The following GNB2 variants were observed in gnomAD, a reference collection of about 807,000 sequenced individuals.
GNB2 encodes the protein G protein subunit beta 2, also known as guanine nucleotide-binding protein G(I)/G(S)/G(T) subunit beta-2.
In GNB2, 7 loss-of-function variants were observed where a neutral mutation model predicts 40.7. The observed-to-expected ratio is 0.17, with a 90% CI of 0.10 to 0.32. The LOEUF (loss-of-function observed/expected upper bound fraction) is 0.32. Among genes scored for constraint, GNB2 ranks in the 10% least tolerant of loss-of-function variants. The pLI, the probability that GNB2 is intolerant of heterozygous loss-of-function variation, is 1.00. For synonymous variants in GNB2, 254 were observed against 191.2 expected (o/e 1.33, Z -2.71); for missense variants, 286 against 473.0 (o/e 0.60, Z 3.67).
At chr7:100,676,141 C>T (rs1193831665) in intron 1 of GNB2, 36 bp from the exon 2 acceptor site, 7 of 573,842 alleles carry the variant, frequency 1.2e-5, no homozygotes, top group Non-Finnish European at 1.2e-5. Flanking sequence ...ACTTCCCCGG[C>T]GGCCTCGGGC....
rs770626958 is a variant in GNB2, at chr7:100,678,281, C to T, written c.681C>T (p.Ser227=). The change falls in exon 8 of 10, where the codon TCC becomes TCT. Residue 227 remains serine, a synonymous_variant. Coordinates refer to ENST00000303210, the MANE Select transcript of GNB2 (RefSeq NM_005273.4). ...GACAGACCTTCATCGGCCATGAATC[C>T]GACATCAATGCAGTGGCTGTGAGTT... ...MCRQTFIGHE[S]DINAVAFFPN... is the part of the protein sequence containing the mutation. 14 of 1,613,596 alleles carry T rather than the reference C, an allele frequency of 8.7e-6. No homozygotes were observed. Among genetic ancestry groups the T allele is most frequent in the Middle Eastern group, 1.6e-4 (1 of 6,082 alleles).
chr7:100,675,933 G>T (rs1052407653), intron 1 of GNB2: 43 of 330,098 alleles, frequency 1.3e-4, no homozygotes, highest in African/African-American at 9.4e-4. Flanking sequence ...CCGAGGGAGG[G>T]GTTTCCCCTG....
chr7:100,676,890 A>C (rs1804361970), intron 4 of GNB2, 91 bp downstream of exon 4: 5 of 727,292 alleles, frequency 6.9e-6, no homozygotes, highest in Non-Finnish European at 1.2e-5. Context: ...GCAGGCCACC[A>C]AAATACCCAG....
At chr7:100,674,009 T>G (rs982169010) in intron 1 of GNB2, 86 bp downstream of exon 1, 5 of 154,468 alleles carry the variant, frequency 3.2e-5, no homozygotes, top group African/African-American at 1.2e-4. Context: ...CTCCCGGGGC[T>G]GGCCTCCTGG....
rs1804344342 is a variant in GNB2 at position 100,676,275 on chromosome 7, C to G, written c.10C>G (p.Leu4Val). 1.2e-6 allele frequency: 2 copies of G among 1,606,222 alleles called. No individual in the cohort carries two copies. Among genetic ancestry groups the G allele is most frequent in the South Asian group, 1.1e-5 (1 of 90,286 alleles). Residue 4 changes from leucine (L) to valine (V), a missense_variant, in exon 2 of 10, where the codon CTG (leucine) becomes GTG (valine). Coordinates refer to ENST00000303210, the MANE Select transcript of GNB2 (RefSeq NM_005273.4). MSE[L>V]EQLRQEAEQL... is the part of the protein sequence containing the mutation. ...CCACGGGCCCGGCGCCATGAGTGAG[C>G]TGGAGCAACTGAGACAGGAGGCCGA...
chr7:100,678,031 G>A lies in GNB2; in HGVS notation c.498-67G>A, dbSNP rs140950077. The A allele has an allele frequency of 1.3e-3, 1,698 of 1,340,428 alleles. 15 individuals carry two copies. In the African/African-American group the frequency reaches 0.02, roughly 16 times the overall value. The allele number at this position is 1,340,428 out of a possible 1,614,324, so 83.0% of individuals were successfully genotyped here. ...CAGGGTTGGGCTCACGTGGTGGGGC[G>A]GGGAGAACAGGGACTCTGTTCTTCG... On this transcript the variant is annotated intron_variant, in intron 7 of 9. Coordinates refer to ENST00000303210, the MANE Select transcript of GNB2 (RefSeq NM_005273.4).
chr7:100,675,035 G>A (rs1246538280), intron 1 of GNB2, among the ~76,000 whole-genome samples: 2 of 152,132 alleles, frequency 1.3e-5, no homozygotes, highest in African/African-American at 2.4e-5. Context: ...TGGGAGCTGG[G>A]TGGGGGACGC....
chr7:100,676,241 A>G lies in GNB2; in HGVS notation c.-25A>G. ...CGTCCCGCGGCCCCCAGCCGCCCCC[A>G]ACCCTGCCCCACGGGCCCGGCGCCA... On this transcript the variant is annotated 5_prime_UTR_variant, in exon 2 of 10. Transcript: ENST00000303210. 1.3e-6 allele frequency: 2 copies of G among 1,514,992 alleles called. No individual in the cohort carries two copies. The highest frequency in any genetic ancestry group is 1.8e-6 in the Non-Finnish European group (2 of 1,111,700). 93.8% of individuals were successfully genotyped at this position (1,514,992 alleles called of 1,614,324 possible).
At chr7:100,674,775 C>T (rs1306104769) in intron 1 of GNB2, among the ~76,000 whole-genome samples, 1 of 152,212 alleles carries the variant, frequency 6.6e-6, no homozygotes, top group Non-Finnish European at 1.5e-5. Context: ...GAACGTCGCC[C>T]CCGCCCCCAG....
At chr7:100,675,359 C>T (rs1261919088) in intron 1 of GNB2, 1 of 151,334 alleles carries the variant, frequency 6.6e-6, no homozygotes, top group Non-Finnish European at 1.5e-5. Flanking sequence ...GGAGCAGCGG[C>T]TCGGGGCTGC....
At chr7:100,673,970 TC>T in intron 1 of GNB2, 47 bp downstream of exon 1, 1 of 157,142 alleles carries the variant, frequency 6.4e-6, no homozygotes, top group Non-Finnish European at 1.4e-5. Context: ...AGCCCCAATT[TC>T]CCCCAGGGGA....
chr7:100,677,044 G>C (rs1804365558), intron 4 of GNB2: 2 of 593,338 alleles, frequency 3.4e-6, no homozygotes, highest in African/African-American at 3.7e-5. Context: ...GGGGAGGCCA[G>C]GGCAGGATCA....
rs1367054059 is a variant in GNB2, at chr7:100,673,938, A to AT, written c.-90+15_-90+16insT. On this transcript the variant is annotated intron_variant, in intron 1 of 9. Coordinates refer to ENST00000303210, the MANE Select transcript of GNB2 (RefSeq NM_005273.4). ...CACCGCCACAGGTACCTTCGCTGGCAAAAGGAGTCCTCTCGCCCCCCAGCC... is the reference window on the plus strand; with the variant it reads ...CACCGCCACAGGTACCTTCGCTGGCATAAAGGAGTCCTCTCGCCCCCCAGCC... 42 of 165,140 alleles carry AT rather than the reference A, an allele frequency of 2.5e-4. No homozygotes were observed. In the East Asian group the frequency reaches 2.9e-3, roughly 11 times the overall value. 10.2% of individuals were successfully genotyped at this position (165,140 alleles called of 1,614,324 possible).
chr7:100,678,316 G>C lies in GNB2; in HGVS notation c.699+17G>C, dbSNP rs1156268872. ...GCAGTGGCTGTGAGTTTTGGGGCGAGCTAGGCCAGGCCCTCCCCACCAGGC... is the reference window on the plus strand; with the variant it reads ...GCAGTGGCTGTGAGTTTTGGGGCGACCTAGGCCAGGCCCTCCCCACCAGGC... On this transcript the variant is annotated intron_variant, in intron 8 of 9. Transcript: ENST00000303210. 3 of 1,610,110 alleles carry C rather than the reference G, an allele frequency of 1.9e-6. No homozygotes were observed. In the Admixed American group the frequency reaches 5.0e-5, roughly 27 times the overall value.
Position 100,678,499 on chromosome 7 carries a change from C to A in GNB2, c.801C>A (p.Asp267Glu). 2 of 1,613,796 alleles carry A rather than the reference C, an allele frequency of 1.2e-6. No individual in the cohort carries two copies. The highest frequency in any genetic ancestry group is 1.7e-6 in the Non-Finnish European group (2 of 1,179,886). Residue 267 changes from aspartate to glutamate, a missense_variant, in exon 9 of 10, where the codon GAC (aspartate) becomes GAA (glutamate). By Grantham distance (45) the Asp-to-Glu change is conservative. Transcript: ENST00000303210. ...AGGAGCTCCTCATGTACTCCCATGA[C>A]AACATCATCTGTGGCATCACCTCTG... The part of the protein sequence containing the change: ...ADQELLMYSH[D>E]NIICGITSVA...
intron 1 of GNB2, among the ~76,000 whole-genome samples, chr7:100,674,349 G>A (rs1038570469): frequency 6.6e-6 from 1 of 151,780 alleles, no homozygotes; most frequent in Admixed American, 6.6e-5. Context: ...TCCAAAATCG[G>A]GGAGAAGCAG....
rs1269209736 is a variant in GNB2, at chr7:100,677,615, C to T, written c.385C>T (p.Arg129Cys). The T allele has an allele frequency of 1.2e-6, 2 of 1,613,446 alleles. No individual in the cohort carries two copies. The highest frequency in any genetic ancestry group is 1.7e-6 in the Non-Finnish European group (2 of 1,179,998). ...CTGCTCCATCTACAGCCTCAAGACC[C>T]GCGAGGGCAACGTCAGGGTCAGCCG... ...NICSIYSLKT[R>C]EGNVRVSREL... Residue 129 changes from arginine (R) to cysteine (C), a missense_variant, in exon 6 of 10, where the codon CGC (arginine) becomes TGC (cysteine). Transcript: ENST00000303210.
In GNB2 at chr7:100,677,827, C is replaced by CT; in HGVS notation, c.497+10dup. ...TCTGGGGATACCACCTGGTGAGGCT[C>CT]TGCCAGGGCTGGGCAGTCTGGGCAA... On this transcript the variant is annotated intron_variant, in intron 7 of 9. Coordinates refer to ENST00000303210, the MANE Select transcript of GNB2 (RefSeq NM_005273.4). 5.6e-6 allele frequency: 9 copies of CT among 1,611,126 alleles called. No homozygotes were observed. The highest frequency in any genetic ancestry group is 6.8e-6 in the Non-Finnish European group (8 of 1,177,906).
At chr7:100,677,933 G>A (rs1279695372) in intron 7 of GNB2, 115 bp downstream of exon 7, 7 of 1,053,566 alleles carry the variant, frequency 6.6e-6, no homozygotes, top group African/African-American at 3.1e-5. Context: ...CCTGGTGGGC[G>A]CTAAGGGGGT....
Sources: gnomAD v4.1 joint callset for allele counts (sites outside exome capture counted in the v4.1 genomes callset) on GRCh38, gnomAD v4.1.1 for gene constraint, MANE v1.5 for transcripts, NCBI Gene and HGNC (gene_info 2026-07-23, HGNC 2026-07-21) for gene names.